The following ATP11A variants were observed in gnomAD, a reference collection of about 807,000 sequenced individuals.
ATP11A encodes ATPase phospholipid transporting 11A.
Under a neutral mutation model 154.4 loss-of-function variants are expected in ATP11A, and 81 were observed. The ratio of observed to expected loss-of-function variants is 0.52; its 90% CI spans 0.44 to 0.63. ATP11A has a LOEUF of 0.63. ATP11A is among the 30% of genes least tolerant of loss of function. The pLI is 0.00. For synonymous variants in ATP11A, 623 were observed against 585.9 expected, an observed-to-expected ratio of 1.06 and a Z score of -0.91; for missense variants, 1,316 against 1,474.3, an observed-to-expected ratio of 0.89 and a Z score of 1.76.
In ATP11A at chr13:112,807,069, G is replaced by T. The variant is rs746448813; in HGVS notation, c.333+776G>T. ...ACATTTGGGGTGTTTCCACTCTTTG[G>T]CTGTTCTGAATAATGCTGCTGAGAA... On this transcript the variant is annotated intron_variant, in intron 4 of 29. Transcript: ENST00000375645. This position sits in a 1 kb window ranked among gnomAD's most constrained non-coding sequence, Gnocchi z 4.5. Among the ~76,000 whole-genome samples the T allele has an allele frequency of 6.6e-6, 1 of 152,208 alleles. No homozygotes were observed. Among genetic ancestry groups the T allele is most frequent in the Non-Finnish European group, 1.5e-5 (1 of 68,046 alleles).
chr13:112,849,562 A>G (rs1346117746), intron 17 of ATP11A, among the ~76,000 whole-genome samples: 2 of 152,226 alleles, frequency 1.3e-5, no homozygotes, highest in East Asian at 1.9e-4. Flanking sequence ...CTGAAGCTAT[A>G]TATCTTGTAT....
chr13:112,757,467 A>G (rs1476018019), intron 1 of ATP11A, among the ~76,000 whole-genome samples: 1 of 152,242 alleles, frequency 6.6e-6, no homozygotes, highest in East Asian at 1.9e-4. Context: ...TACAAGGTCT[A>G]TTCAGGTCAA....
intron 1 of ATP11A, among the ~76,000 whole-genome samples, chr13:112,701,650 A>G (rs1435192687): frequency 6.6e-6 from 1 of 151,630 alleles, no homozygotes; most frequent in Non-Finnish European, 1.5e-5. Flanking sequence ...GGCTAACACG[A>G]TGAAACCCCG....
intron 2 of ATP11A, among the ~76,000 whole-genome samples, chr13:112,794,445 T>C (rs1321632545): frequency 6.6e-6 from 1 of 152,192 alleles, no homozygotes; most frequent in Non-Finnish European, 1.5e-5. Flanking sequence ...CTTTTCTTGT[T>C]AGACATCACC....
At position 112,882,485 on chromosome 13, in the gene ATP11A, G is replaced by A. The variant is rs1474005674; in HGVS notation, c.*619G>A. The A allele has an allele frequency of 4.3e-6, 2 of 460,158 alleles. No individual in the cohort carries two copies. The highest frequency in any genetic ancestry group is 7.6e-6 in the Non-Finnish European group (2 of 262,852). 28.5% of individuals were successfully genotyped at this position (460,158 alleles called of 1,614,324 possible). ...CTTTACTCAACAACCCTCCAATCCG[G>A]ATGCTGTGGGAAGGGCCGGGTCACT... is the stretch of plus-strand genomic sequence containing the variant. On this transcript the variant is annotated 3_prime_UTR_variant, in exon 30 of 30. Transcript: ENST00000375645. The surrounding 1 kb of genome is among the most constrained non-coding windows in gnomAD (Gnocchi z 5.1).
At chr13:112,806,325 C>A in intron 4 of ATP11A, 32 bp downstream of exon 4, 3 of 1,521,606 alleles carry the variant, frequency 2.0e-6, no homozygotes, top group African/African-American at 1.4e-5. Context: ...AAGAAGCAAT[C>A]GTCATCTTCA....
chr13:112,878,412 G>C, intron 29 of ATP11A, 109 bp downstream of exon 29: 2 of 1,205,694 alleles, frequency 1.7e-6, no homozygotes, highest in South Asian at 2.5e-5. Flanking sequence ...CGTCCACCAG[G>C]CGCTGGGTAC....
rs1299101878 is a variant in ATP11A at position 112,803,887 on chromosome 13, A to ATTCCCCTCC, written c.163-1064_163-1056dup. 9.4e-4 allele frequency among the ~76,000 whole-genome samples: 39 copies of ATTCCCCTCC among 41,706 alleles called. 1 individual carries two copies. Among genetic ancestry groups the ATTCCCCTCC allele is most frequent in the African/African-American group, 1.6e-3 (19 of 11,568 alleles). 27.4% of individuals were successfully genotyped at this position (41,706 alleles called of 152,430 possible). ...CCTCCTTGCTTCCCTTCCTTCCCTC[A>ATTCCCCTCC]TTCCCCTCCTTCCCTCCTTCACCTC... On this transcript the variant is annotated intron_variant, in intron 2 of 29. Coordinates refer to ENST00000375645, the MANE Select transcript of ATP11A (RefSeq NM_015205.3).
chr13:112,700,885 C>G (rs1594328973), intron 1 of ATP11A, among the ~76,000 whole-genome samples: 1 of 152,220 alleles, frequency 6.6e-6, no homozygotes, highest in Non-Finnish European at 1.5e-5. Context: ...AGCATCCCCG[C>G]TACCCCTGAA....
At chr13:112,757,696 A>G (rs2076873600) in intron 1 of ATP11A, among the ~76,000 whole-genome samples, 1 of 152,274 alleles carries the variant, frequency 6.6e-6, no homozygotes, top group Non-Finnish European at 1.5e-5. Flanking sequence ...GTGTTCAGGA[A>G]TCTCAGGAGA....
intron 18 of ATP11A, chr13:112,851,667 A>G (rs1466199987): frequency 6.5e-6 from 1 of 153,344 alleles, no homozygotes; most frequent in African/African-American, 2.4e-5. Context: ...AACTTCAAGC[A>G]CATACCACCA....
intron 4 of ATP11A, among the ~76,000 whole-genome samples, chr13:112,806,567 C>G (rs976740430): frequency 1.3e-5 from 2 of 152,168 alleles, no homozygotes; most frequent in Non-Finnish European, 2.9e-5. Flanking sequence ...TCAGATGAGT[C>G]ACTTAACCTT....
chr13:112,718,994 G>A (rs1888831611), intron 1 of ATP11A, among the ~76,000 whole-genome samples: 1 of 152,278 alleles, frequency 6.6e-6, no homozygotes, highest in East Asian at 1.9e-4. Context: ...TTTGAAATAG[G>A]ACGTAGGGAT....
intron 2 of ATP11A, among the ~76,000 whole-genome samples, chr13:112,793,233 C>T (rs1594718794): frequency 6.6e-6 from 1 of 152,114 alleles, no homozygotes. Flanking sequence ...GACAGAGTCT[C>T]TCTCTGTGCC....
Position 112,834,619 on chromosome 13 carries a change from C to T in ATP11A, c.1590C>T (p.Asp530=), listed in dbSNP as rs1370875717. The stretch of plus-strand genomic sequence containing the variant: ...GCTTTACCTACCTAAGGCTGAAGGA[C>T]AATTACATGGAGATATTAAACAGGG... ...RLGFTYLRLK[D]NYMEILNREN... Residue 530 remains aspartate, a synonymous_variant, in exon 15 of 30, where the codon GAC becomes GAT. Coordinates refer to ENST00000375645, the MANE Select transcript of ATP11A (RefSeq NM_015205.3). The T allele has an allele frequency of 6.2e-7, 1 of 1,613,894 alleles. No homozygotes were observed. The highest frequency in any genetic ancestry group is 1.3e-5 in the African/African-American group (1 of 74,920).
At chr13:112,765,994 C>T (rs540915610) in intron 1 of ATP11A, among the ~76,000 whole-genome samples, 29 of 152,344 alleles carry the variant, frequency 1.9e-4, no homozygotes, top group Non-Finnish European at 3.1e-4. Context: ...TTTTAGTTCA[C>T]GAGTGTGGAT....
At chr13:112,799,851 C>T (rs1008113648) in intron 2 of ATP11A, among the ~76,000 whole-genome samples, 1 of 152,112 alleles carries the variant, frequency 6.6e-6, no homozygotes, top group African/African-American at 2.4e-5. Context: ...TCTTTCAGAC[C>T]ACAGTAGAAT....
intron 2 of ATP11A, among the ~76,000 whole-genome samples, chr13:112,800,007 T>C (rs1022154868): frequency 6.6e-6 from 1 of 152,128 alleles, no homozygotes; most frequent in Non-Finnish European, 1.5e-5. Flanking sequence ...ATATAACTTA[T>C]CAAATCTTGT....
In ATP11A at chr13:112,819,375, C is replaced by T. The variant is rs528458437; in HGVS notation, c.642C>T (p.Ile214=). The change falls in exon 7 of 30, where the codon ATC becomes ATT. Residue 214 remains isoleucine, a synonymous_variant. Coordinates refer to ENST00000375645, the MANE Select transcript of ATP11A (RefSeq NM_015205.3). ...ATATCGGCGGACTTCACGCCACCATCGAGTGTGAGCAGCCCCAGCCCGACC... is the reference window on the plus strand; with the variant it reads ...ATATCGGCGGACTTCACGCCACCATTGAGTGTGAGCAGCCCCAGCCCGACC... ...EEDIGGLHAT[I]ECEQPQPDLY... 2.1e-5 allele frequency: 34 copies of T among 1,614,186 alleles called. No individual in the cohort carries two copies. Among genetic ancestry groups the T allele is most frequent in the South Asian group, 1.3e-4 (12 of 91,072 alleles).
Sources: gnomAD v4.1 joint callset for allele counts (sites outside exome capture counted in the v4.1 genomes callset) on GRCh38, gnomAD v4.1.1 for gene constraint, Gnocchi (gnomAD v3.1) non-coding constraint, MANE v1.5 for transcripts, NCBI Gene and HGNC (gene_info 2026-07-23, HGNC 2026-07-21) for gene names.